The following PRSS22 variants were observed in gnomAD, a reference collection of about 807,000 sequenced individuals.
The protein encoded by PRSS22 is brain-specific serine protease 4.
In PRSS22, 26 loss-of-function variants were observed where a neutral mutation model predicts 28.0. That is an observed-to-expected ratio of 0.93 (90% CI 0.68 to 1.29). PRSS22 has a LOEUF of 1.29. Ranked by LOEUF, PRSS22 falls within the 50% of genes most tolerant of loss-of-function variation. The probability of loss-of-function intolerance (pLI) is 0.00; values close to 1 mark genes in which losing one functional copy is unlikely to be tolerated. For synonymous variants in PRSS22, 217 were observed against 177.9 expected (o/e 1.22, Z -1.75); for missense variants, 444 against 422.1 (o/e 1.05, Z -0.46).
At chr16:2,856,475 T>C (rs1226968804) in intron 2 of PRSS22, among the ~76,000 whole-genome samples, 1 of 143,256 alleles carries the variant, frequency 7.0e-6, no homozygotes, top group Non-Finnish European at 1.5e-5. Flanking sequence ...TCCGCCCACC[T>C]CCCCGTCCCA....
At chr16:2,854,207 G>C (rs1369072380) in intron 4 of PRSS22, 185 bp from the exon 5 acceptor site, 3 of 628,852 alleles carry the variant, frequency 4.8e-6, no homozygotes, top group Non-Finnish European at 8.2e-6. Flanking sequence ...CTCTGGCCCT[G>C]CTGAATTAGA....
chr16:2,854,094 C>G, intron 4 of PRSS22, 72 bp from the exon 5 acceptor site: 1 of 1,537,216 alleles, frequency 6.5e-7, no homozygotes, highest in Non-Finnish European at 8.9e-7. Flanking sequence ...GACTATTCCC[C>G]CCCAACACCA....
chr16:2,857,066 T>C, intron 1 of PRSS22: 2 of 574,768 alleles, frequency 3.5e-6, no homozygotes, highest in Non-Finnish European at 3.0e-6. Context: ...CAGCGCCCAG[T>C]GAGGAGGGGT....
chr16:2,853,135 G>A lies in PRSS22; in HGVS notation c.912C>T (p.Leu304=). The A allele has an allele frequency of 6.3e-7, 1 of 1,597,042 alleles. No homozygotes were observed. Among genetic ancestry groups the A allele is most frequent in the Non-Finnish European group, 8.5e-7 (1 of 1,178,776 alleles). Residue 304 remains leucine (L), a synonymous_variant, in exon 6 of 6, where the codon CTC becomes CTT. Transcript: ENST00000161006. This position sits in a 1 kb window ranked among gnomAD's most constrained non-coding sequence, Gnocchi z 4.6. ...LRGRAQGGGA[L]RAPSQGSGAA... ...CCCCAGAGCCCTGGCTCGGTGCCCT[G>A]AGGGCCCCACCCCCCTGAGCGCGCC... is the stretch of plus-strand genomic sequence containing the variant.
intron 2 of PRSS22, 87 bp from the exon 3 acceptor site, chr16:2,856,340 T>G (rs556000256): frequency 7.1e-7 from 1 of 1,403,646 alleles, no homozygotes; most frequent in Admixed American, 1.9e-5. Context: ...CCCCAAGCTT[T>G]GCCCACAGCC....
intron 4 of PRSS22, 143 bp from the exon 5 acceptor site, chr16:2,854,165 G>T: frequency 1.1e-6 from 1 of 919,336 alleles, no homozygotes; most frequent in Non-Finnish European, 1.6e-6. Flanking sequence ...CTCCCAAGAT[G>T]CCTTCAGAAA....
Position 2,853,316 on chromosome 16 carries a change from C to G in PRSS22, c.731G>C (p.Gly244Ala). 6.3e-7 allele frequency: 1 copy of G among 1,595,952 alleles called. No individual in the cohort carries two copies. Residue 244 changes from glycine (G) to alanine (A), a missense_variant, in exon 6 of 6, where the codon GGC (glycine) becomes GCC (alanine). Gly to Ala is a moderately conservative substitution (Grantham distance 60, BLOSUM62 0). Coordinates refer to ENST00000161006, the MANE Select transcript of PRSS22 (RefSeq NM_022119.4). The surrounding 1 kb of genome is among the most constrained non-coding windows in gnomAD (Gnocchi z 4.6). Reference protein sequence around the residue: ...ERDACLGDSGGPLMCQVDGAW... With the variant: ...ERDACLGDSGAPLMCQVDGAW... Reference sequence around the variant, plus strand: ...GCCGTCCACCTGGCACATGAGGGGGCCCCCGGAGTCGCCCTGCAGAGAGGA... The same window carrying G: ...GCCGTCCACCTGGCACATGAGGGGGGCCCCGGAGTCGCCCTGCAGAGAGGA...
intron 1 of PRSS22, 118 bp from the exon 2 acceptor site, chr16:2,856,966 C>T: frequency 8.3e-7 from 1 of 1,208,336 alleles, no homozygotes; most frequent in East Asian, 2.5e-5. Context: ...GATCCCAGTG[C>T]CCAGTGAGGT....
At chr16:2,856,897 A>G (rs1433749525) in intron 1 of PRSS22, 49 bp from the exon 2 acceptor site, 1 of 1,549,274 alleles carries the variant, frequency 6.5e-7, no homozygotes, top group Non-Finnish European at 8.7e-7. Flanking sequence ...GCCCCAGGAC[A>G]CAGTGGTGAG....
chr16:2,854,286 C>G (rs1445395025), intron 4 of PRSS22: 1 of 429,310 alleles, frequency 2.3e-6, no homozygotes, highest in African/African-American at 2.0e-5. Flanking sequence ...GGTTAGAGCC[C>G]TTCCTGTCTC....
In PRSS22 at chr16:2,855,365, AAAG is replaced by A. The variant is rs59780762; in HGVS notation, c.559+206_559+208del. ...CCTGTCTCAAAAAAAAAAAAAAAAA[AAAG>A]AAGAAGAAGAAAGAAAAGAAAAGAG... On this transcript the variant is annotated intron_variant, in intron 4 of 5. Coordinates refer to ENST00000161006, the MANE Select transcript of PRSS22 (RefSeq NM_022119.4). 2.0e-4 allele frequency among the ~76,000 whole-genome samples: 27 copies of A among 134,626 alleles called. 1 individual carries two copies. The highest frequency in any genetic ancestry group is 3.6e-3 in the Middle Eastern group (1 of 274). 88.3% of individuals were successfully genotyped at this position (134,626 alleles called of 152,430 possible).
rs754787958 is a variant in PRSS22, at chr16:2,854,036, G to A, written c.560-14C>T. On this transcript the variant is annotated splice_polypyrimidine_tract_variant and intron_variant, in intron 4 of 5. Coordinates refer to ENST00000161006, the MANE Select transcript of PRSS22 (RefSeq NM_022119.4). ...GGGGCAAGGGAACTGGGAGGAAAGA[G>A]GACAGAATCAGGTTTGGGGGTCTCC... The A allele has an allele frequency of 9.3e-6, 15 of 1,613,916 alleles. No homozygotes were observed. In the Admixed American group the frequency reaches 1.8e-4, roughly 20 times the overall value.
In PRSS22 at chr16:2,857,219, GCGCCTAGTGAGGAGGGT is replaced by G. The variant is rs1213696292; in HGVS notation, c.83-388_83-372del. 2.2e-4 allele frequency: 38 copies of G among 173,818 alleles called. 1 individual carries two copies. The highest frequency in any genetic ancestry group is 2.0e-3 in the Middle Eastern group (1 of 488). The allele number at this position is 173,818 out of a possible 1,614,324, so 10.8% of individuals were successfully genotyped here. On this transcript the variant is annotated intron_variant, in intron 1 of 5. Coordinates refer to ENST00000161006, the MANE Select transcript of PRSS22 (RefSeq NM_022119.4). ...AGCGCCCAGTGAGGAGGGCTCCCCAGCGCCTAGTGAGGAGGGTTCCCCAGCGCCCAGTGAGGAGGGGT... is the reference window on the plus strand; with the variant it reads ...AGCGCCCAGTGAGGAGGGCTCCCCAGTCCCCAGCGCCCAGTGAGGAGGGGT...
At chr16:2,856,909 G>A (rs1457779037) in intron 1 of PRSS22, 61 bp from the exon 2 acceptor site, 1 of 1,537,620 alleles carries the variant, frequency 6.5e-7, no homozygotes, top group African/African-American at 1.4e-5. Flanking sequence ...AGTGGTGAGG[G>A]GCCCTCAACG....
At chr16:2,854,153 C>T in intron 4 of PRSS22, 131 bp from the exon 5 acceptor site, 1 of 1,042,710 alleles carries the variant, frequency 9.6e-7, no homozygotes, top group Non-Finnish European at 1.4e-6. Context: ...CTCTACCAGT[C>T]TCTCCCAAGA....
rs779123348 is a variant in PRSS22, at chr16:2,853,189, C to G, written c.858G>C (p.Glu286Asp). The stretch of plus-strand genomic sequence containing the variant: ...GGAGCTGCACCCCTTGCACGATCTT[C>G]TCCACCCAGGAGCGGTGCGCAGAGA... ...ISLSAHRSWV[E>D]KIVQGVQLRG... is the part of the protein sequence containing the mutation. Residue 286 changes from glutamate to aspartate, a missense_variant, in exon 6 of 6, where the codon GAG becomes GAC. Transcript: ENST00000161006. The surrounding 1 kb of genome is among the most constrained non-coding windows in gnomAD (Gnocchi z 4.6). The G allele has an allele frequency of 6.3e-6, 10 of 1,600,000 alleles. No individual in the cohort carries two copies. Among genetic ancestry groups the G allele is most frequent in the Non-Finnish European group, 7.6e-6 (9 of 1,179,728 alleles).
chr16:2,856,797 C>T (rs1242819791), intron 2 of PRSS22, 25 bp downstream of exon 2: 19 of 1,551,702 alleles, frequency 1.2e-5, no homozygotes, highest in Non-Finnish European at 1.6e-5. Flanking sequence ...TTCTCCCTCC[C>T]GTCAGAGCTG....
Position 2,852,918 on chromosome 16 carries a change from G to A in PRSS22, c.*175C>T, listed in dbSNP as rs890869528. 1.2e-5 allele frequency: 7 copies of A among 583,270 alleles called. No homozygotes were observed. Among genetic ancestry groups the A allele is most frequent in the Non-Finnish European group, 2.1e-5 (7 of 337,980 alleles). 36.1% of individuals were successfully genotyped at this position (583,270 alleles called of 1,614,324 possible). A position where few individuals can be genotyped will look rare whatever the true frequency, so the allele number is the denominator to read the frequency against. On this transcript the variant is annotated 3_prime_UTR_variant, in exon 6 of 6. Coordinates refer to ENST00000161006, the MANE Select transcript of PRSS22 (RefSeq NM_022119.4). The stretch of plus-strand genomic sequence containing the variant: ...TGATGCCTTGGAGGCGGGGCCTGAG[G>A]CCGTCGGGCGGGTCGGGGAGGGGGT...
Position 2,858,042 on chromosome 16 carries a change from C to A in PRSS22, c.63G>T (p.Leu21=). 1.0e-5 allele frequency: 13 copies of A among 1,282,534 alleles called. No individual in the cohort carries two copies. Among genetic ancestry groups the A allele is most frequent in the Non-Finnish European group, 1.2e-5 (12 of 1,005,588 alleles). 79.4% of individuals were successfully genotyped at this position (1,282,534 alleles called of 1,614,324 possible). The change falls in exon 1 of 6, where the codon CTG becomes CTT. Residue 21 remains leucine, a synonymous_variant. Coordinates refer to ENST00000161006, the MANE Select transcript of PRSS22 (RefSeq NM_022119.4). The part of the protein sequence containing the change: ...GGGCLGTFTS[L]LLLASTAILN... ...ACGTACCTGTCGACGCCAGCAGCAG[C>A]AGGGAGGTGAAGGTGCCGAGACAGC...
Sources: gnomAD v4.1 joint callset for allele counts (sites outside exome capture counted in the v4.1 genomes callset) on GRCh38, gnomAD v4.1.1 for gene constraint, Gnocchi (gnomAD v3.1) non-coding constraint, MANE v1.5 for transcripts, NCBI Gene and HGNC (gene_info 2026-07-23, HGNC 2026-07-21) for gene names.